The following CCDC88A variants were observed in gnomAD, a reference collection of about 807,000 sequenced individuals.
CCDC88A encodes coiled-coil and HOOK domain protein 88A.
CCDC88A carries 54 observed loss-of-function variants against 234.3 expected under a neutral mutation model. The observed-to-expected ratio is 0.23, with a 90% CI of 0.19 to 0.29. The LOEUF is 0.29. Ranked by LOEUF, CCDC88A falls within the 10% of genes least tolerant of loss-of-function variation. The probability of loss-of-function intolerance (pLI) is 1.00; values close to 1 mark genes in which losing one functional copy is unlikely to be tolerated. For missense variants in CCDC88A, 1,832 were observed against 2,123.4 expected, an observed-to-expected ratio of 0.86 and a Z score of 2.70; for synonymous variants, 753 against 737.8, an observed-to-expected ratio of 1.02 and a Z score of -0.33.
chr2:55,292,706 C>G (rs990743904), intron 31 of CCDC88A: 1 of 152,156 alleles, frequency 6.6e-6, no homozygotes, highest in Non-Finnish European at 1.5e-5. Flanking sequence ...ACTAAAAATA[C>G]AAAAATTTGC....
rs770005747 is a variant in CCDC88A, at chr2:55,317,665, A to G, written c.3501T>C (p.His1167=). The G allele has an allele frequency of 6.2e-7, 1 of 1,613,576 alleles. No homozygotes were observed. Among genetic ancestry groups the G allele is most frequent in the East Asian group, 2.2e-5 (1 of 44,816 alleles). Residue 1167 remains histidine (H), a synonymous_variant, in exon 20 of 33, where the codon CAT becomes CAC. Transcript: ENST00000436346. The surrounding 1 kb of genome is among the most constrained non-coding windows in gnomAD (Gnocchi z 4.2). ...ATTCATACTCTGAAGCCTGACGTTCATGAAGAAGTTCCAGCTTTTCATGAT... is the reference window on the plus strand; with the variant it reads ...ATTCATACTCTGAAGCCTGACGTTCGTGAAGAAGTTCCAGCTTTTCATGAT... The part of the protein sequence containing the change: ...IKDHEKLELL[H]ERQASEYESL...
chr2:55,309,448 AT>A lies in CCDC88A; in HGVS notation c.4080-195del, dbSNP rs150783848. Among the ~76,000 whole-genome samples, 2 of 151,080 alleles carry A rather than the reference AT, an allele frequency of 1.3e-5. No individual in the cohort carries two copies. Among genetic ancestry groups the A allele is most frequent in the African/African-American group, 2.4e-5 (1 of 41,092 alleles). On this transcript the variant is annotated intron_variant, in intron 23 of 32. Transcript: ENST00000436346. The surrounding 1 kb of genome is among the most constrained non-coding windows in gnomAD (Gnocchi z 5.1). ...TGTTTCTCCTTTTTTAAAAATTTAC[AT>A]TTTTTTTTCCTTTTTGGAAGAAAGG...
In CCDC88A at chr2:55,394,700, C is replaced by A. The variant is rs1391175237; in HGVS notation, c.165-5814G>T. The A allele has an allele frequency of 2.7e-5, 4 of 149,840 alleles. No homozygotes were observed. The East Asian group carries it at 7.9e-4, about 30-fold the overall frequency. 9.3% of individuals were successfully genotyped at this position (149,840 alleles called of 1,614,324 possible). A position where few individuals can be genotyped will look rare whatever the true frequency, so the allele number is the denominator to read the frequency against. On this transcript the variant is annotated intron_variant, in intron 2 of 32. Transcript: ENST00000436346. ...GGAGGGATAGCATTAGGAGATATAC[C>A]TAATGCTAAATGATGAGTTAATGGG...
chr2:55,355,248 T>G, intron 8 of CCDC88A: 1 of 244,822 alleles, frequency 4.1e-6, no homozygotes, highest in Non-Finnish European at 7.9e-6. Flanking sequence ...TTATTAGACT[T>G]ATTGATCTCC....
intron 7 of CCDC88A, among the ~76,000 whole-genome samples, chr2:55,360,188 T>C (rs1671102994): frequency 6.6e-6 from 1 of 152,188 alleles, no homozygotes; most frequent in African/African-American, 2.4e-5. Flanking sequence ...ACTGAAGACA[T>C]ACTTGTTCTA....
chr2:55,392,827 G>C (rs1019124153), intron 2 of CCDC88A, among the ~76,000 whole-genome samples: 2 of 152,152 alleles, frequency 1.3e-5, no homozygotes, highest in African/African-American at 4.8e-5. Flanking sequence ...CCCACATTAA[G>C]TGTAGGTCTC....
At chr2:55,359,661 T>C (rs1671035198) in intron 7 of CCDC88A, among the ~76,000 whole-genome samples, 1 of 150,984 alleles carries the variant, frequency 6.6e-6, no homozygotes. Context: ...ATATATATCA[T>C]TTTTGTACTT....
intron 17 of CCDC88A, among the ~76,000 whole-genome samples, chr2:55,327,262 G>GA (rs996913611): frequency 9.9e-5 from 15 of 152,078 alleles, no homozygotes; most frequent in African/African-American, 2.7e-4. Context: ...ATTGCTTATT[G>GA]AAAAAAATGA....
In CCDC88A at chr2:55,318,990, T is replaced by G. The variant is rs746345881; in HGVS notation, c.3177A>C (p.Gln1059His). 2 of 1,612,892 alleles carry G rather than the reference T, an allele frequency of 1.2e-6. No individual in the cohort carries two copies. The highest frequency in any genetic ancestry group is 1.7e-6 in the Non-Finnish European group (2 of 1,179,306). ...IEVERNNATL[Q>H]AEKQALKTQL... ...GAGTTTTCAACGCTTGCTTCTCTGC[T>G]TGCAGTGTAGCATTCTTGAAAAACA... The change falls in exon 19 of 33, where the codon CAA becomes CAC. Residue 1059 changes from glutamine (Q) to histidine (H), a missense_variant. This residue lies in a region of CCDC88A where 1,282 missense variants were observed against 1,543.6 expected (regional missense o/e 0.83). Coordinates refer to ENST00000436346, the MANE Select transcript of CCDC88A (RefSeq NM_001365480.1).
intron 7 of CCDC88A, among the ~76,000 whole-genome samples, chr2:55,360,424 G>T (rs779695785): frequency 2.6e-5 from 4 of 152,058 alleles, no homozygotes; most frequent in African/African-American, 4.8e-5. Flanking sequence ...ACCTTTTCAA[G>T]TTAGTCTACT....
At chr2:55,364,835 C>T (rs76458736) in intron 5 of CCDC88A, among the ~76,000 whole-genome samples, 2,049 of 152,228 alleles carry the variant, frequency 0.013, 26 homozygotes, top group Middle Eastern at 0.027. Context: ...ATGCTGCAAA[C>T]CAACTGCTAG....
chr2:55,349,390 A>G (rs1215890345), intron 9 of CCDC88A, 128 bp downstream of exon 9: 5 of 671,570 alleles, frequency 7.4e-6, no homozygotes, highest in African/African-American at 7.4e-5. Flanking sequence ...AAGTCATCCA[A>G]TCTCTTGAAG....
At position 55,296,425 on chromosome 2, in the gene CCDC88A, G is replaced by T. The variant is rs1477375438; in HGVS notation, c.4924C>A (p.Pro1642Thr). The stretch of plus-strand genomic sequence containing the variant: ...GTCTGTCTTTTCAAGTACTGGATTG[G>T]ACTGCTACCACTGCTGGACCAAGCC... Reference protein sequence around the residue: ...HEAWSSSGSSPIQYLKRQTRS... With the variant: ...HEAWSSSGSSTIQYLKRQTRS... Residue 1642 changes from proline to threonine, a missense_variant, in exon 30 of 33, where the codon CCA becomes ACA. Transcript: ENST00000436346. 2 of 1,614,204 alleles carry T rather than the reference G, an allele frequency of 1.2e-6. No individual in the cohort carries two copies. The highest frequency in any genetic ancestry group is 1.7e-6 in the Non-Finnish European group (2 of 1,180,034).
rs112577002 is a variant in CCDC88A at position 55,295,727 on chromosome 2, G to A, written c.5421C>T (p.Ser1807=). 4 of 1,614,038 alleles carry A rather than the reference G, an allele frequency of 2.5e-6. No homozygotes were observed. The highest frequency in any genetic ancestry group is 2.2e-5 in the South Asian group (2 of 91,080). ...TAGTTCCTTCGGCAGTTGAGATCAC[G>A]CTGCTTGCACGAGGTAAAGTTGCAT... ...NPYATLPRAS[S]VISTAEGTTR... is the part of the protein sequence containing the mutation. The change falls in exon 31 of 33, where the codon AGC becomes AGT. Residue 1807 remains serine, a synonymous_variant. Transcript: ENST00000436346.
chr2:55,376,038 G>T (rs960381571), intron 3 of CCDC88A, among the ~76,000 whole-genome samples: 2 of 152,054 alleles, frequency 1.3e-5, no homozygotes, highest in African/African-American at 4.8e-5. Context: ...GATTCTGAAC[G>T]TACAAGGTGA....
intron 13 of CCDC88A, chr2:55,338,965 T>TG (rs1668129498): frequency 6.6e-6 from 1 of 152,234 alleles, no homozygotes; most frequent in African/African-American, 2.4e-5. Context: ...TTCTTTTTTT[T>TG]TTTTTTTGAG....
chr2:55,322,380 AC>A (rs1317438406), intron 18 of CCDC88A, 147 bp downstream of exon 18: 1 of 435,636 alleles, frequency 2.3e-6, no homozygotes, highest in African/African-American at 2.5e-5. Context: ...TTAGGTAGGA[AC>A]AAATAGAAAA....
chr2:55,320,043 C>T lies in CCDC88A; in HGVS notation c.3163-1039G>A, dbSNP rs146613727. On this transcript the variant is annotated intron_variant, in intron 18 of 32. Transcript: ENST00000436346. ...GTCAGGATTTGACCCACATATTATA[C>T]CATAAAATTGAAGCTGAGGAAACAA... Among the ~76,000 whole-genome samples the T allele has an allele frequency of 1.9e-3, 290 of 152,026 alleles. 1 individual carries two copies. The highest frequency in any genetic ancestry group is 2.9e-3 in the South Asian group (14 of 4,806).
At position 55,334,872 on chromosome 2, in the gene CCDC88A, T is replaced by C. The variant is rs367733782; in HGVS notation, c.1949A>G (p.Asn650Ser). 1.3e-6 allele frequency: 2 copies of C among 1,515,838 alleles called. No homozygotes were observed. The highest frequency in any genetic ancestry group is 2.8e-5 in the African/African-American group (2 of 71,220). 93.9% of individuals were successfully genotyped at this position (1,515,838 alleles called of 1,614,324 possible). A position where few individuals can be genotyped will look rare whatever the true frequency, so the allele number is the denominator to read the frequency against. Residue 650 changes from asparagine (N) to serine (S), a missense_variant, in exon 15 of 33, where the codon AAT becomes AGT. Physicochemically the swap from Asn to Ser is conservative, Grantham distance 46. This residue lies in a region of CCDC88A where 1,282 missense variants were observed against 1,543.6 expected (regional missense o/e 0.83). Coordinates refer to ENST00000436346, the MANE Select transcript of CCDC88A (RefSeq NM_001365480.1). This position sits in a 1 kb window ranked among gnomAD's most constrained non-coding sequence, Gnocchi z 6.1. ...AATTTTTTCACAAGTAATTTTTAAATTAGTTATTTTTTTCTGTAATAATTC... is the reference window on the plus strand; with the variant it reads ...AATTTTTTCACAAGTAATTTTTAAACTAGTTATTTTTTTCTGTAATAATTC... ...ENELLQKKIT[N>S]LKITCEKIEA... is the part of the protein sequence containing the mutation.
Sources: allele counts gnomAD v4.1 joint callset (sites outside exome capture counted in the v4.1 genomes callset), GRCh38; gene constraint gnomAD v4.1.1; regional missense constraint gnomAD v4.1.1; non-coding constraint Gnocchi (gnomAD v3.1); transcripts MANE v1.5; gene names NCBI Gene and HGNC (gene_info 2026-07-23, HGNC 2026-07-21).